Variants in ERBB2 observed in about 807,000 individuals in gnomAD.
The protein encoded by ERBB2 is erb-b2 receptor tyrosine kinase 2.
Under a neutral mutation model 149.0 loss-of-function variants are expected in ERBB2, and 61 were observed. The observed-to-expected ratio is 0.41, with a 90% CI of 0.33 to 0.51. The LOEUF (loss-of-function observed/expected upper bound fraction) is 0.51. Ranked by LOEUF, ERBB2 falls within the 20% of genes least tolerant of loss-of-function variation. The pLI is 0.25. For synonymous variants in ERBB2, 633 were observed against 678.8 expected, an observed-to-expected ratio of 0.93 and a Z score of 1.05; for missense variants, 1,205 against 1,655.1, an observed-to-expected ratio of 0.73 and a Z score of 4.72.
chr17:39,728,158 G>T lies in ERBB2; in HGVS notation c.*114G>T. 2.8e-6 allele frequency: 2 copies of T among 716,942 alleles called. No homozygotes were observed. Among genetic ancestry groups the T allele is most frequent in the Non-Finnish European group, 4.5e-6 (2 of 444,688 alleles). 44.4% of individuals were successfully genotyped at this position (716,942 alleles called of 1,614,324 possible). ...CCTCCGACCACTTCCAGGGGAACCT[G>T]CCATGCCAGGAACCTGTCCTAAGGA... On this transcript the variant is annotated 3_prime_UTR_variant, in exon 27 of 27. Coordinates refer to ENST00000269571, the MANE Select transcript of ERBB2 (RefSeq NM_004448.4).
intron 19 of ERBB2, among the ~76,000 whole-genome samples, chr17:39,724,272 A>ATTTATTTTTTTTTTTTTTTTTT (rs2059615848): frequency 1.3e-5 from 1 of 77,016 alleles, no homozygotes; most frequent in Non-Finnish European, 2.7e-5. Flanking sequence ...GCGCCCGCTA[A>ATTTATTTTTTTTTTTTTTTTTT]TTTTTTTTTT....
In ERBB2 at chr17:39,726,413, C is replaced by T. The variant is rs2059763205; in HGVS notation, c.2873-149C>T. On this transcript the variant is annotated intron_variant, in intron 23 of 26. Coordinates refer to ENST00000269571, the MANE Select transcript of ERBB2 (RefSeq NM_004448.4). This position sits in a 1 kb window ranked among gnomAD's most constrained non-coding sequence, Gnocchi z 5.1. ...AGATGCCAAAGGTTCTGGCTGAAGA[C>T]CCCAGAGTCTGGTGCTACTTCTCTA... 1.5e-6 allele frequency: 1 copy of T among 658,818 alleles called. No individual in the cohort carries two copies. The highest frequency in any genetic ancestry group is 1.8e-5 in the African/African-American group (1 of 55,828). 40.8% of individuals were successfully genotyped at this position (658,818 alleles called of 1,614,324 possible).
chr17:39,701,989 A>G (rs2058137583), intron 1 of ERBB2, among the ~76,000 whole-genome samples: 1 of 152,126 alleles, frequency 6.6e-6, no homozygotes, highest in African/African-American at 2.4e-5. Context: ...AGGGAATGGC[A>G]GTTGCTGCAG....
chr17:39,708,164 G>A, intron 2 of ERBB2, 157 bp from the exon 3 acceptor site: 1 of 588,878 alleles, frequency 1.7e-6, no homozygotes, highest in South Asian at 2.2e-5. Flanking sequence ...GGTAGGGCGT[G>A]ATCTTTATCT....
chr17:39,688,243 G>T (rs941463394), exon 1 of ERBB2: 1 of 396,522 alleles, frequency 2.5e-6, no homozygotes, highest in African/African-American at 2.1e-5. Context: ...ATGGGTTAAT[G>T]AGCAAACTGA....
In ERBB2 at chr17:39,724,861, G is replaced by A. The variant is rs368094521; in HGVS notation, c.2443G>A (p.Gly815Arg). Residue 815 changes from glycine to arginine, a missense_variant, in exon 20 of 27, where the codon GGA becomes AGA. Physicochemically the swap from Gly to Arg is moderately radical, Grantham distance 125. Around this residue, in one of 6 missense-constraint regions of ERBB2, gnomAD observed 152 missense variants for 318.1 expected, o/e 0.48. Transcript: ENST00000269571. ...CTTAGACCATGTCCGGGAAAACCGC[G>A]GACGCCTGGGCTCCCAGGACCTGCT... Reference protein sequence around the residue: ...CLLDHVRENRGRLGSQDLLNW... With the variant: ...CLLDHVRENRRRLGSQDLLNW... 6.0e-4 allele frequency: 976 copies of A among 1,614,204 alleles called. 15 individuals carry two copies. In the South Asian group the frequency reaches 9.7e-3, roughly 16 times the overall value.
At chr17:39,702,361 G>A (rs1447475814) in intron 1 of ERBB2, among the ~76,000 whole-genome samples, 1 of 152,196 alleles carries the variant, frequency 6.6e-6, no homozygotes, top group Non-Finnish European at 1.5e-5. Context: ...GGTGAGGTCT[G>A]GGGCAGGAAT....
In ERBB2 at chr17:39,727,781, A is replaced by G. The variant is rs1420911942; in HGVS notation, c.3505A>G (p.Arg1169Gly). ...CCGACCTGCTGGTGCCACTCTGGAAAGGCCCAAGACTCTCTCCCCAGGGAA... is the reference window on the plus strand; with the variant it reads ...CCGACCTGCTGGTGCCACTCTGGAAGGGCCCAAGACTCTCTCCCCAGGGAA... ...AARPAGATLE[R>G]PKTLSPGKNG... Residue 1169 changes from arginine to glycine, a missense_variant, in exon 27 of 27, where the codon AGG (arginine) becomes GGG (glycine). This residue lies in a region of ERBB2 where 312 missense variants were observed against 343.8 expected (regional missense o/e 0.91). Coordinates refer to ENST00000269571, the MANE Select transcript of ERBB2 (RefSeq NM_004448.4). This position sits in a 1 kb window ranked among gnomAD's most constrained non-coding sequence, Gnocchi z 4.3. The G allele has an allele frequency of 6.2e-7, 1 of 1,610,538 alleles. No individual in the cohort carries two copies. Among genetic ancestry groups the G allele is most frequent in the Non-Finnish European group, 8.5e-7 (1 of 1,177,344 alleles).
chr17:39,716,390 C>T lies in ERBB2; in HGVS notation c.1603C>T (p.Leu535Phe), dbSNP rs746476368. ...CCAGTGTGTCAACTGCAGCCAGTTC[C>T]TTCGGGGCCAGGAGTGCGTGGAGGA... The part of the protein sequence containing the change: ...PTQCVNCSQF[L>F]RGQECVEECR... The change falls in exon 13 of 27, where the codon CTT becomes TTT. Residue 535 changes from leucine to phenylalanine, a missense_variant. Leu to Phe is a conservative substitution (Grantham distance 22, BLOSUM62 0). This residue lies in a region of ERBB2 where 569 missense variants were observed against 803.5 expected (regional missense o/e 0.71). Transcript: ENST00000269571. The T allele has an allele frequency of 5.6e-6, 9 of 1,608,870 alleles. No individual in the cohort carries two copies. Among genetic ancestry groups the T allele is most frequent in the Non-Finnish European group, 7.7e-6 (9 of 1,176,344 alleles).
At position 39,715,743 on chromosome 17, in the gene ERBB2, C is replaced by G. The variant is rs750754275; in HGVS notation, c.1317C>G (p.Gly439=). 7 of 1,605,862 alleles carry G rather than the reference C, an allele frequency of 4.4e-6. No homozygotes were observed. The highest frequency in any genetic ancestry group is 5.9e-6 in the Non-Finnish European group (7 of 1,179,970). The change falls in exon 12 of 27, where the codon GGC becomes GGG. Residue 439 remains glycine, a synonymous_variant. Coordinates refer to ENST00000269571, the MANE Select transcript of ERBB2 (RefSeq NM_004448.4). ...GGTGCCCACCTTTCTCCCATAGTGG[C>G]GCCTACTCGCTGACCCTGCAAGGGC... ...QVIRGRILHN[G]AYSLTLQGLG...
At chr17:39,691,928 C>CATATATATAT (rs1459402681), upstream of ERBB2, among the ~76,000 whole-genome samples, 3 of 93,654 alleles carry the variant, frequency 3.2e-5, no homozygotes, top group African/African-American at 1.1e-4. Context: ...TATACATATA[C>CATATATATAT]ATATACATAT....
intron 1 of ERBB2, among the ~76,000 whole-genome samples, chr17:39,705,581 C>T (rs1003701115): frequency 3.3e-5 from 5 of 152,112 alleles, no homozygotes; most frequent in South Asian, 2.1e-4. Flanking sequence ...CCTCTTTGTC[C>T]TTATCTGCCT....
chr17:39,720,877 T>C (rs2059411899), intron 16 of ERBB2, among the ~76,000 whole-genome samples: 1 of 152,182 alleles, frequency 6.6e-6, no homozygotes, highest in Non-Finnish European at 1.5e-5. Context: ...CTCGATCTCT[T>C]GACCTCAAGA....
intron 1 of ERBB2, among the ~76,000 whole-genome samples, chr17:39,701,663 G>C (rs1449196402): frequency 6.6e-6 from 1 of 152,156 alleles, no homozygotes; most frequent in Non-Finnish European, 1.5e-5. Context: ...TGTGGTCTTT[G>C]TATTTGTGTG....
chr17:39,723,792 G>T lies in ERBB2; in HGVS notation c.2209-120G>T. The T allele has an allele frequency of 1.3e-6, 2 of 1,495,738 alleles. No homozygotes were observed. Among genetic ancestry groups the T allele is most frequent in the Non-Finnish European group, 9.1e-7 (1 of 1,096,928 alleles). 92.7% of individuals were successfully genotyped at this position (1,495,738 alleles called of 1,614,324 possible). The stretch of plus-strand genomic sequence containing the variant: ...GGGGGAGGGCAGTTACAGCGGAGAA[G>T]GGAGCGGGGCCAAGCCCTAGGGTGG... On this transcript the variant is annotated intron_variant, in intron 18 of 26. Coordinates refer to ENST00000269571, the MANE Select transcript of ERBB2 (RefSeq NM_004448.4). This position sits in a 1 kb window ranked among gnomAD's most constrained non-coding sequence, Gnocchi z 6.2.
rs1482645941 is a variant in ERBB2, at chr17:39,715,927, G to A, written c.1501G>A (p.Glu501Lys). The A allele has an allele frequency of 6.2e-7, 1 of 1,609,722 alleles. No homozygotes were observed. Among genetic ancestry groups the A allele is most frequent in the South Asian group, 1.1e-5 (1 of 91,060 alleles). ...QALLHTANRP[E>K]DECVGEGLAC... is the part of the protein sequence containing the mutation. ...TCTGCTCCACACTGCCAACCGGCCA[G>A]AGGACGAGTGTGGTAAGACAGGGAG... Residue 501 changes from glutamate (E) to lysine (K), a missense_variant, in exon 12 of 27, where the codon GAG (glutamate) becomes AAG (lysine). Physicochemically the swap from Glu to Lys is moderately conservative, Grantham distance 56. Transcript: ENST00000269571.
chr17:39,704,654 CCTT>C (rs1269638153), intron 1 of ERBB2, among the ~76,000 whole-genome samples: 1 of 152,076 alleles, frequency 6.6e-6, no homozygotes, highest in Admixed American at 6.5e-5. Flanking sequence ...GTCAGGAAGA[CCTT>C]CTTGACTTCA....
chr17:39,700,274 C>A lies in ERBB2; in HGVS notation c.36C>A (p.Leu12=). 1 of 1,437,242 alleles carries A rather than the reference C, an allele frequency of 7.0e-7. No individual in the cohort carries two copies. The highest frequency in any genetic ancestry group is 9.1e-7 in the Non-Finnish European group (1 of 1,097,928). The allele number at this position is 1,437,242 out of a possible 1,614,324, so 89.0% of individuals were successfully genotyped here. ...CGGCCTTGTGCCGCTGGGGGCTCCT[C>A]CTCGCCCTCTTGCCCCCCGGAGCCG... ...ELAALCRWGL[L]LALLPPGAAS... The change falls in exon 1 of 27, where the codon CTC becomes CTA. Residue 12 remains leucine, a synonymous_variant. Transcript: ENST00000269571.
intron 2 of ERBB2, chr17:39,708,111 C>G (rs1278141467): frequency 2.0e-6 from 1 of 496,992 alleles, no homozygotes; most frequent in African/African-American, 1.9e-5. Context: ...AAATGCCCCC[C>G]CACCATTATC....
Sources: allele counts gnomAD v4.1 joint callset (sites outside exome capture counted in the v4.1 genomes callset), GRCh38; gene constraint gnomAD v4.1.1; regional missense constraint gnomAD v4.1.1; non-coding constraint Gnocchi (gnomAD v3.1); transcripts MANE v1.5; gene names NCBI Gene and HGNC (gene_info 2026-07-23, HGNC 2026-07-21).